Variants in PARM1 observed in about 807,000 individuals in gnomAD.
PARM1 encodes the protein WSC4, cell wall integrity and stress response component 4 homolog.
In PARM1, 14 loss-of-function variants were observed where a neutral mutation model predicts 24.6. The observed-to-expected ratio is 0.57, with a 90% CI of 0.38 to 0.89. The LOEUF is 0.89. Among genes scored for constraint, PARM1 ranks in the 40% least tolerant of loss-of-function variants. The probability of loss-of-function intolerance (pLI) is 0.00; values close to 1 mark genes in which losing one functional copy is unlikely to be tolerated. For missense variants in PARM1, 362 were observed against 380.4 expected (o/e 0.95, Z 0.40); for synonymous variants, 179 against 156.6 (o/e 1.14, Z -1.07).
At chr4:75,033,758 A>G (rs1462014283) in intron 2 of PARM1, 125 bp from the exon 3 acceptor site, 5 of 607,208 alleles carry the variant, frequency 8.2e-6, no homozygotes, top group Non-Finnish European at 1.4e-5. Flanking sequence ...AATGATCTGA[A>G]GTAGCTTTTC....
rs562241331 is a variant in PARM1 at position 75,020,052 on chromosome 4, C to T, written c.769+6902C>T. Among the ~76,000 whole-genome samples the T allele has an allele frequency of 5.1e-5, 7 of 136,746 alleles. No homozygotes were observed. In the East Asian group the frequency reaches 1.2e-3, roughly 24 times the overall value. 89.7% of individuals were successfully genotyped at this position (136,746 alleles called of 152,430 possible). A position where few individuals can be genotyped will look rare whatever the true frequency, so the allele number is the denominator to read the frequency against. The stretch of plus-strand genomic sequence containing the variant: ...AAAAAAAAAAAGAAAATTTCAGAAG[C>T]GAAAAATGTATATTGTAGTAAGTTA... On this transcript the variant is annotated intron_variant, in intron 2 of 3. Coordinates refer to ENST00000307428, the MANE Select transcript of PARM1 (RefSeq NM_015393.4).
Position 75,013,033 on chromosome 4 carries a change from G to A in PARM1, c.652G>A (p.Glu218Lys), listed in dbSNP as rs1292381496. ...SHATAEPVPQ[E>K]KTPPTTVSGK... ...TGCCACAGCTGAGCCAGTACCCCAG[G>A]AGAAAACACCCCCAACAACTGTGTC... Residue 218 changes from glutamate to lysine, a missense_variant, in exon 2 of 4, where the codon GAG (glutamate) becomes AAG (lysine). Glu to Lys is a moderately conservative substitution (Grantham distance 56, BLOSUM62 1). Coordinates refer to ENST00000307428, the MANE Select transcript of PARM1 (RefSeq NM_015393.4). 18 of 1,613,820 alleles carry A rather than the reference G, an allele frequency of 1.1e-5. No individual in the cohort carries two copies. Among genetic ancestry groups the A allele is most frequent in the Non-Finnish European group, 1.5e-5 (18 of 1,179,888 alleles).
chr4:74,933,777 G>A (rs533454814), intron 1 of PARM1, among the ~76,000 whole-genome samples: 58 of 152,340 alleles, frequency 3.8e-4, no homozygotes, highest in African/African-American at 1.3e-3. Flanking sequence ...AAAAAGCCGG[G>A]GAAGTGGGGG....
chr4:75,012,918 C>T lies in PARM1; in HGVS notation c.537C>T (p.Ser179=), dbSNP rs185710096. ...FSASVTTNHS[S]TVTSTQPTGA... ...CCTCCGTTACTACCAACCATAGCTC[C>T]ACTGTGACCAGCACCCAACCCACTG... The change falls in exon 2 of 4, where the codon TCC becomes TCT. Residue 179 remains serine, a synonymous_variant. Transcript: ENST00000307428. The T allele has an allele frequency of 2.2e-5, 36 of 1,613,994 alleles. No homozygotes were observed. The Admixed American group carries it at 2.7e-4, about 12-fold the overall frequency.
chr4:74,982,815 C>T (rs1722283649), intron 1 of PARM1, among the ~76,000 whole-genome samples: 2 of 152,240 alleles, frequency 1.3e-5, no homozygotes, highest in South Asian at 4.1e-4. Flanking sequence ...CATTCCATGA[C>T]ACGTACAGTT....
At chr4:75,027,762 A>G (rs1166055504) in intron 2 of PARM1, among the ~76,000 whole-genome samples, 2 of 152,158 alleles carry the variant, frequency 1.3e-5, no homozygotes, top group Non-Finnish European at 2.9e-5. Context: ...AATTAATTTG[A>G]ATTATTGAGC....
chr4:74,943,984 A>G (rs1252343424), intron 1 of PARM1, among the ~76,000 whole-genome samples: 1 of 152,206 alleles, frequency 6.6e-6, no homozygotes, highest in African/African-American at 2.4e-5. Context: ...ATACTAAGCA[A>G]TGGATAGAAG....
chr4:74,969,447 A>G (rs530435964), intron 1 of PARM1: 3 of 152,280 alleles, frequency 2.0e-5, no homozygotes, highest in Admixed American at 1.3e-4. Flanking sequence ...TTACCACTCC[A>G]TTGTATCCAG....
At chr4:75,000,119 A>G (rs911091310) in intron 1 of PARM1, among the ~76,000 whole-genome samples, 35 of 152,274 alleles carry the variant, frequency 2.3e-4, no homozygotes, top group African/African-American at 6.3e-4. Context: ...AGCTGATGCC[A>G]TGAGGAGTAA....
At chr4:75,013,194 A>T (rs1459584929) in intron 2 of PARM1, 44 bp downstream of exon 2, 2 of 1,556,198 alleles carry the variant, frequency 1.3e-6, no homozygotes, top group South Asian at 2.4e-5. Context: ...CTACACCCTC[A>T]CATTAAGAAT....
At chr4:74,942,706 T>A (rs1721335065) in intron 1 of PARM1, among the ~76,000 whole-genome samples, 1 of 152,204 alleles carries the variant, frequency 6.6e-6, no homozygotes, top group African/African-American at 2.4e-5. Flanking sequence ...CCACTCTGGT[T>A]CAAGCCACTA....
intron 1 of PARM1, among the ~76,000 whole-genome samples, chr4:74,999,421 A>G (rs1299456473): frequency 6.6e-6 from 1 of 152,244 alleles, no homozygotes; most frequent in African/African-American, 2.4e-5. Flanking sequence ...TTCCGCTATC[A>G]GAGACCTTTA....
At chr4:74,937,054 G>A (rs574584753) in intron 1 of PARM1, among the ~76,000 whole-genome samples, 2 of 152,210 alleles carry the variant, frequency 1.3e-5, no homozygotes, top group South Asian at 4.1e-4. Context: ...CACTCAGCTA[G>A]GGATCCTATT....
At chr4:75,003,087 C>T (rs1722711350) in intron 1 of PARM1, among the ~76,000 whole-genome samples, 1 of 152,172 alleles carries the variant, frequency 6.6e-6, no homozygotes, top group African/African-American at 2.4e-5. Flanking sequence ...CACCCATGCC[C>T]ATATCCACCT....
At chr4:74,948,021 C>T (rs865871743) in intron 1 of PARM1, among the ~76,000 whole-genome samples, 2 of 152,194 alleles carry the variant, frequency 1.3e-5, no homozygotes, top group Middle Eastern at 3.2e-3. Context: ...GCTTTCAGGC[C>T]TCTCTGCCTT....
chr4:75,012,378 T>C, intron 1 of PARM1, 47 bp from the exon 2 acceptor site: 1 of 1,584,176 alleles, frequency 6.3e-7, no homozygotes, highest in Non-Finnish European at 8.6e-7. Context: ...TTTCACATAT[T>C]ACCGTGTTTT....
At chr4:75,041,387 C>T (rs1277465336) in intron 3 of PARM1, among the ~76,000 whole-genome samples, 1 of 152,170 alleles carries the variant, frequency 6.6e-6, no homozygotes, top group Non-Finnish European at 1.5e-5. Context: ...TCTTAATCAT[C>T]TTTGTATCCT....
chr4:74,977,737 A>G (rs1397382500), intron 1 of PARM1, among the ~76,000 whole-genome samples: 1 of 152,206 alleles, frequency 6.6e-6, no homozygotes, highest in Admixed American at 6.5e-5. Flanking sequence ...GTCACCTACA[A>G]AGGGAAACCC....
chr4:74,946,635 A>G (rs1400799090), intron 1 of PARM1, among the ~76,000 whole-genome samples: 3 of 152,218 alleles, frequency 2.0e-5, no homozygotes, highest in African/African-American at 7.2e-5. Context: ...CCAGGTAGTA[A>G]ACATATTCTC....
Sources: allele counts gnomAD v4.1 joint callset (sites outside exome capture counted in the v4.1 genomes callset), GRCh38; gene constraint gnomAD v4.1.1; transcripts MANE v1.5; gene names NCBI Gene and HGNC (gene_info 2026-07-23, HGNC 2026-07-21).